BNC2: variants seen among roughly 807,000 people sequenced by gnomAD.
The protein encoded by BNC2 is basonuclin zinc finger protein 2, also known as zinc finger protein basonuclin-2.
Under a neutral mutation model 76.3 loss-of-function variants are expected in BNC2, and 20 were observed. The ratio of observed to expected loss-of-function variants is 0.26; its 90% CI spans 0.18 to 0.38. BNC2 has a LOEUF of 0.38. BNC2 is among the 10% of genes least tolerant of loss of function. The pLI is 1.00. For missense variants in BNC2, 1,382 were observed against 1,399.8 expected, an observed-to-expected ratio of 0.99 and a Z score of 0.20; for synonymous variants, 582 against 514.8, an observed-to-expected ratio of 1.13 and a Z score of -1.77.
chr9:16,789,850 A>T (rs758703291), intron 1 of BNC2, among the ~76,000 whole-genome samples: 1 of 152,194 alleles, frequency 6.6e-6, no homozygotes, highest in Non-Finnish European at 1.5e-5. Context: ...TATTGGAATA[A>T]ATGTTTCTTA....
At chr9:16,469,022 AAATT>A (rs1243573132) in intron 5 of BNC2, among the ~76,000 whole-genome samples, 8 of 152,348 alleles carry the variant, frequency 5.3e-5, no homozygotes, top group African/African-American at 7.2e-5. Context: ...TGGATTTTAA[AAATT>A]AATTATGAGC....
chr9:16,591,575 A>C (rs988473158), intron 3 of BNC2, among the ~76,000 whole-genome samples: 11 of 152,224 alleles, frequency 7.2e-5, no homozygotes, highest in Admixed American at 5.9e-4. Context: ...AGTCTGAATG[A>C]ACAATGCACA....
chr9:16,623,802 C>A (rs1820924482), intron 3 of BNC2, among the ~76,000 whole-genome samples: 1 of 152,094 alleles, frequency 6.6e-6, no homozygotes, highest in Admixed American at 6.6e-5. Flanking sequence ...TGAGATCTAT[C>A]AGTAGCAGGA....
intron 3 of BNC2, among the ~76,000 whole-genome samples, chr9:16,648,373 A>G (rs1682335163): frequency 6.6e-6 from 1 of 152,258 alleles, no homozygotes; most frequent in South Asian, 2.1e-4. Context: ...GAGAAATGAC[A>G]GAGGGCTAAA....
chr9:16,859,508 T>G (rs1391068548), intron 1 of BNC2, among the ~76,000 whole-genome samples: 1 of 152,236 alleles, frequency 6.6e-6, no homozygotes, highest in African/African-American at 2.4e-5. Context: ...GAAATATTAT[T>G]TAGCCTTAAA....
intron 5 of BNC2, among the ~76,000 whole-genome samples, chr9:16,551,373 CTG>C (rs983020637): frequency 6.6e-6 from 1 of 152,212 alleles, no homozygotes; most frequent in African/African-American, 2.4e-5. Flanking sequence ...TGACAAGAAT[CTG>C]TGTGTTCTGA....
At chr9:16,543,916 A>G (rs1439476212) in intron 5 of BNC2, among the ~76,000 whole-genome samples, 11 of 152,124 alleles carry the variant, frequency 7.2e-5, no homozygotes, top group Non-Finnish European at 8.8e-5. Context: ...TATAAATACA[A>G]CACACTGCTC....
intron 1 of BNC2, among the ~76,000 whole-genome samples, chr9:16,865,094 G>T (rs1364814540): frequency 3.3e-5 from 5 of 150,028 alleles, no homozygotes; most frequent in African/African-American, 7.3e-5. Flanking sequence ...TTTGGCAAAT[G>T]TAAGGTCATT....
At chr9:16,846,084 G>A (rs556237203) in intron 1 of BNC2, among the ~76,000 whole-genome samples, 25 of 150,086 alleles carry the variant, frequency 1.7e-4, no homozygotes, top group South Asian at 1.5e-3. Context: ...AGCTTGCACT[G>A]ACCCCAGATC....
intron 3 of BNC2, among the ~76,000 whole-genome samples, chr9:16,706,133 C>A (rs1450969133): frequency 6.6e-6 from 1 of 152,056 alleles, no homozygotes; most frequent in Non-Finnish European, 1.5e-5. Context: ...CCTTTATAAC[C>A]AATCACAACA....
At chr9:16,837,381 G>A (rs763760348) in intron 1 of BNC2, among the ~76,000 whole-genome samples, 14 of 152,300 alleles carry the variant, frequency 9.2e-5, no homozygotes, top group East Asian at 3.9e-4. Flanking sequence ...GCAGGCGCCT[G>A]TAATCCCAGC....
rs1040130653 is a variant in BNC2 at position 16,417,122 on chromosome 9, C to CT, written c.*1866dup. On this transcript the variant is annotated 3_prime_UTR_variant, in exon 7 of 7. Coordinates refer to ENST00000380672, the MANE Select transcript of BNC2 (RefSeq NM_017637.6). ...ACAAAATATTCCTTGTTTATCTCTT[C>CT]TTTTCCCCTCCACTTAAAAAAAAAG... 6.6e-6 allele frequency: 1 copy of CT among 151,620 alleles called. No individual in the cohort carries two copies. The highest frequency in any genetic ancestry group is 2.4e-5 in the African/African-American group (1 of 40,938). The allele number at this position is 151,620 out of a possible 1,614,324, so 9.4% of individuals were successfully genotyped here.
At chr9:16,786,381 G>C (rs1450386966) in intron 1 of BNC2, among the ~76,000 whole-genome samples, 1 of 151,910 alleles carries the variant, frequency 6.6e-6, no homozygotes, top group Non-Finnish European at 1.5e-5. Flanking sequence ...GGTGGAAGAA[G>C]ACTAGAACAG....
chr9:16,468,151 C>T (rs1821735573), intron 5 of BNC2, among the ~76,000 whole-genome samples: 1 of 150,786 alleles, frequency 6.6e-6, no homozygotes, highest in Non-Finnish European at 1.5e-5. Flanking sequence ...AGTGATTTTC[C>T]TGCCTCGACC....
intron 3 of BNC2, among the ~76,000 whole-genome samples, chr9:16,596,220 A>G (rs1165738032): frequency 1.3e-5 from 2 of 152,150 alleles, no homozygotes; most frequent in African/African-American, 4.8e-5. Context: ...GTGTAGAGGA[A>G]GAAATAAAAA....
At chr9:16,736,965 C>A (rs1202690359) in intron 2 of BNC2, among the ~76,000 whole-genome samples, 3 of 151,774 alleles carry the variant, frequency 2.0e-5, no homozygotes, top group African/African-American at 7.3e-5. Context: ...CACCTCCATG[C>A]CCGGCTAATT....
At chr9:16,760,627 C>T (rs2135378367) in intron 1 of BNC2, among the ~76,000 whole-genome samples, 1 of 152,324 alleles carries the variant, frequency 6.6e-6, no homozygotes, top group Non-Finnish European at 1.5e-5. Context: ...CTACAGCCAA[C>T]ACCTCCACTG....
intron 3 of BNC2, among the ~76,000 whole-genome samples, chr9:16,658,331 AG>A (rs1159312340): frequency 1.3e-5 from 2 of 152,078 alleles, no homozygotes; most frequent in Non-Finnish European, 1.5e-5. Flanking sequence ...TGTAAGGGAG[AG>A]GGGGAAAAAA....
intron 6 of BNC2, among the ~76,000 whole-genome samples, chr9:16,420,985 G>GT (rs1820698293): frequency 6.6e-6 from 1 of 152,184 alleles, no homozygotes; most frequent in Admixed American, 6.5e-5. Flanking sequence ...GCTTGGAGAA[G>GT]TAATTGTGAT....
Sources: gnomAD v4.1 joint callset for allele counts (sites outside exome capture counted in the v4.1 genomes callset) on GRCh38, gnomAD v4.1.1 for gene constraint, MANE v1.5 for transcripts, NCBI Gene and HGNC (gene_info 2026-07-23, HGNC 2026-07-21) for gene names.